The following ZIM2 variants were observed in gnomAD, a reference collection of about 807,000 sequenced individuals.
ZIM2 encodes zinc finger protein 656.
A neutral mutation model predicts 38.6 loss-of-function variants in ZIM2; 14 were observed. The ratio of observed to expected loss-of-function variants is 0.36; its 90% confidence interval spans 0.24 to 0.57. The LOEUF is 0.57. ZIM2 is among the 20% of genes least tolerant of loss of function. The pLI is 0.81. For synonymous variants in ZIM2, 247 were observed against 245.8 expected (o/e 1.00, Z -0.04); for missense variants, 680 against 695.1 (o/e 0.98, Z 0.24).
chr19:56,816,632 G>A lies in ZIM2; in HGVS notation c.490+1114C>T, dbSNP rs376042442. On this transcript the variant is annotated intron_variant, in intron 9 of 12. Transcript: ENST00000629319. ...GGGCTGGGCCTAAAGGTTTCCCCGC[G>A]CTCACGTTCACGTTCACGTTCATGT... 7.9e-5 allele frequency: 127 copies of A among 1,613,468 alleles called. 1 individual carries two copies. Among genetic ancestry groups the A allele is most frequent in the South Asian group, 4.5e-4 (41 of 91,044 alleles).
chr19:56,838,683 C>T (rs1476449557), intron 1 of ZIM2, among the ~76,000 whole-genome samples: 2 of 152,182 alleles, frequency 1.3e-5, no homozygotes, highest in African/African-American at 4.8e-5. Flanking sequence ...GCTCCGCGGC[C>T]GCTAAGGCAA....
In ZIM2 at chr19:56,814,293, T is replaced by C. The variant is rs2059770613; in HGVS notation, c.490+3453A>G. On this transcript the variant is annotated intron_variant, in intron 9 of 12. Transcript: ENST00000629319. This position sits in a 1 kb window ranked among gnomAD's most constrained non-coding sequence, Gnocchi z 5.8. ...CGTTTAAGCCCTGAATCCTCAGAAC[T>C]ACTTGTGGAACATGGACATTGGCTT... 1 of 1,614,086 alleles carries C rather than the reference T, an allele frequency of 6.2e-7. No individual in the cohort carries two copies. The highest frequency in any genetic ancestry group is 8.5e-7 in the Non-Finnish European group (1 of 1,180,042).
At chr19:56,836,812 T>A (rs938628129) in intron 1 of ZIM2, among the ~76,000 whole-genome samples, 4 of 151,744 alleles carry the variant, frequency 2.6e-5, no homozygotes, top group Admixed American at 2.6e-4. Context: ...CTACTAAAAA[T>A]ATAAAATTAG....
chr19:56,816,471 G>A, intron 9 of ZIM2: 1 of 1,613,470 alleles, frequency 6.2e-7, no homozygotes, highest in South Asian at 1.1e-5. Context: ...CTTTACCCTT[G>A]TTTTCAAATG....
In ZIM2 at chr19:56,789,877, A is replaced by G; in HGVS notation, c.565T>C (p.Ser189Pro). The G allele has an allele frequency of 6.3e-7, 1 of 1,576,252 alleles. No homozygotes were observed. Among genetic ancestry groups the G allele is most frequent in the Non-Finnish European group, 8.7e-7 (1 of 1,153,952 alleles). Reference protein sequence around the residue: ...EMLDNLPSAGSQFPDFKHLGT... With the variant: ...EMLDNLPSAGPQFPDFKHLGT... The stretch of plus-strand genomic sequence containing the variant: ...CAGAGGAAAGCCTGACTCACCTGGG[A>G]CCCAGCAGATGGCAGATTGTCTAAC... Residue 189 changes from serine to proline, a missense_variant, in exon 10 of 13, where the codon TCC (serine) becomes CCC (proline). By Grantham distance (74) the Ser-to-Pro change is moderately conservative. Transcript: ENST00000629319.
At chr19:56,781,173 G>C (rs1179904324) in intron 11 of ZIM2, among the ~76,000 whole-genome samples, 1 of 152,146 alleles carries the variant, frequency 6.6e-6, no homozygotes, top group African/African-American at 2.4e-5. Context: ...TTAAACATAT[G>C]CATCCCTGTG....
Position 56,814,527 on chromosome 19 carries a change from C to T in ZIM2, c.490+3219G>A. On this transcript the variant is annotated intron_variant, in intron 9 of 12. Transcript: ENST00000629319. This position sits in a 1 kb window ranked among gnomAD's most constrained non-coding sequence, Gnocchi z 5.8. ...AGGACCCGTACTCATAGGGCTCATTCTTATGAACAGTTACGTGATCTGCAA... is the reference window on the plus strand; with the variant it reads ...AGGACCCGTACTCATAGGGCTCATTTTTATGAACAGTTACGTGATCTGCAA... 4 of 1,613,942 alleles carry T rather than the reference C, an allele frequency of 2.5e-6. No individual in the cohort carries two copies. The highest frequency in any genetic ancestry group is 3.4e-6 in the Non-Finnish European group (4 of 1,179,892).
chr19:56,774,642 G>A lies in ZIM2; in HGVS notation c.*46C>T. 6.3e-7 allele frequency: 1 copy of A among 1,583,438 alleles called. No individual in the cohort carries two copies. On this transcript the variant is annotated 3_prime_UTR_variant, in exon 13 of 13. Transcript: ENST00000629319. ...TCTCACACTCACAACACTCTAGGAG[G>A]AAGCCAATAATGTTGAGAAAAGTGT... is the stretch of plus-strand genomic sequence containing the variant.
intron 10 of ZIM2, among the ~76,000 whole-genome samples, chr19:56,785,754 G>T: frequency 6.6e-6 from 1 of 152,064 alleles, no homozygotes; most frequent in Admixed American, 6.5e-5. Flanking sequence ...GTATTGGATG[G>T]TTCCAATTTT....
intron 4 of ZIM2, among the ~76,000 whole-genome samples, chr19:56,823,900 C>A (rs943764765): frequency 4.6e-5 from 7 of 152,136 alleles, no homozygotes; most frequent in African/African-American, 1.4e-4. Context: ...CCGACCTCAC[C>A]CCCAGACACA....
chr19:56,837,672 A>G (rs2062324182), intron 1 of ZIM2, among the ~76,000 whole-genome samples: 1 of 152,204 alleles, frequency 6.6e-6, no homozygotes, highest in African/African-American at 2.4e-5. Context: ...GTCACTCAGG[A>G]AGGCTCCAGT....
chr19:56,800,631 A>G (rs2047473975), intron 9 of ZIM2, among the ~76,000 whole-genome samples: 1 of 152,158 alleles, frequency 6.6e-6, no homozygotes. Flanking sequence ...AAAGATTTTT[A>G]GACATAAAGA....
intron 9 of ZIM2, among the ~76,000 whole-genome samples, chr19:56,806,199 ATTTG>A (rs759365960): frequency 9.2e-5 from 14 of 152,184 alleles, no homozygotes; most frequent in African/African-American, 2.7e-4. Flanking sequence ...ATTTCCCAAT[ATTTG>A]TTTGTTTCAT....
Position 56,840,562 on chromosome 19 carries a change from G to C in ZIM2, c.-314+20C>G, listed in dbSNP as rs1295521574. 6.6e-6 allele frequency: 1 copy of C among 152,324 alleles called. No homozygotes were observed. Among genetic ancestry groups the C allele is most frequent in the African/African-American group, 2.4e-5 (1 of 41,470 alleles). 9.4% of individuals were successfully genotyped at this position (152,324 alleles called of 1,614,324 possible). ...GTCCCGCGGGCAGGAGGCGCGCGGG[G>C]CGGCCGAAGGCGCACTCACCTCACC... On this transcript the variant is annotated intron_variant, in intron 1 of 12. Coordinates refer to ENST00000629319, the MANE Select transcript of ZIM2 (RefSeq NM_001387356.1).
intron 10 of ZIM2, among the ~76,000 whole-genome samples, chr19:56,784,067 T>C (rs553128690): frequency 6.6e-6 from 1 of 151,510 alleles, no homozygotes; most frequent in South Asian, 2.1e-4. Flanking sequence ...CAGTTAATGA[T>C]TTTTCTGTCT....
At chr19:56,785,558 A>C (rs1027736136) in intron 10 of ZIM2, among the ~76,000 whole-genome samples, 1 of 152,214 alleles carries the variant, frequency 6.6e-6, no homozygotes, top group Non-Finnish European at 1.5e-5. Context: ...AGAAAACCTC[A>C]TAACAGTATC....
chr19:56,821,550 G>A, intron 7 of ZIM2, 101 bp downstream of exon 7: 7 of 1,423,340 alleles, frequency 4.9e-6, no homozygotes, highest in Non-Finnish European at 6.7e-6. Context: ...CACCCCAGCT[G>A]GACTCTAGGG....
rs191866455 is a variant in ZIM2 at position 56,775,435 on chromosome 19, C to T, written c.930G>A (p.Pro310=). Residue 310 remains proline (P), a synonymous_variant, in exon 13 of 13, where the codon CCG becomes CCA. Coordinates refer to ENST00000629319, the MANE Select transcript of ZIM2 (RefSeq NM_001387356.1). ...ATTCATCACTGCCATAGCTTCTTTC[C>T]GGAGTGAGGGTCTTGGGGTCATTCA... ...ITMNDPKTLT[P]ERSYGSDEFE... 1.1e-4 allele frequency: 181 copies of T among 1,614,006 alleles called. No individual in the cohort carries two copies. Among genetic ancestry groups the T allele is most frequent in the East Asian group, 6.9e-4 (31 of 44,852 alleles).
At chr19:56,809,987 G>T in intron 9 of ZIM2, 1 of 211,612 alleles carries the variant, frequency 4.7e-6, no homozygotes, top group Non-Finnish European at 8.2e-6. Context: ...AACTTTTTAG[G>T]CTAAAGGAGG....
Sources: allele counts gnomAD v4.1 joint callset (sites outside exome capture counted in the v4.1 genomes callset), GRCh38; gene constraint gnomAD v4.1.1; non-coding constraint Gnocchi (gnomAD v3.1); transcripts MANE v1.5; gene names NCBI Gene and HGNC (gene_info 2026-07-23, HGNC 2026-07-21).